PAQR5: variants seen among roughly 807,000 people sequenced by gnomAD.
PAQR5 encodes the protein progestin and adipoQ receptor family member 5, also known as membrane progestin receptor gamma.
In PAQR5, 20 loss-of-function variants were observed where a neutral mutation model predicts 34.5. The observed-to-expected ratio is 0.58, with a 90% CI of 0.41 to 0.84. The LOEUF is 0.84. Among genes scored for constraint, PAQR5 ranks in the 40% least tolerant of loss-of-function variants. PAQR5 has a pLI of 0.00. For synonymous variants in PAQR5, 131 were observed against 155.6 expected (o/e 0.84, Z 1.18); for missense variants, 378 against 412.7 (o/e 0.92, Z 0.73).
chr15:69,356,645 CT>C (rs1567018056), intron 2 of PAQR5, among the ~76,000 whole-genome samples: 1 of 152,128 alleles, frequency 6.6e-6, no homozygotes, highest in African/African-American at 2.4e-5. Flanking sequence ...ATTCCCCATT[CT>C]TTCCCCCAAG....
intron 1 of PAQR5, among the ~76,000 whole-genome samples, chr15:69,300,617 CTT>C (rs1301613389): frequency 1.9e-5 from 1 of 52,560 alleles, no homozygotes; most frequent in Non-Finnish European, 4.3e-5. Context: ...TTCTTTCTTT[CTT>C]TCTTTCTTTC....
At chr15:69,390,446 C>G (rs2056236984) in intron 6 of PAQR5, among the ~76,000 whole-genome samples, 1 of 150,758 alleles carries the variant, frequency 6.6e-6, no homozygotes. Context: ...CCTTCCTGGG[C>G]TCGTCTGCTG....
At chr15:69,336,044 A>G (rs977102241) in intron 1 of PAQR5, among the ~76,000 whole-genome samples, 22 of 152,176 alleles carry the variant, frequency 1.4e-4, no homozygotes, top group Non-Finnish European at 3.2e-4. Flanking sequence ...AAAGGAGGAG[A>G]GAGAGAAAGG....
rs2056747693 is a variant in PAQR5 at position 69,406,133 on chromosome 15, TCA to T, written c.*2313_*2314del. ...TGGGTCTTAATTTTTAAAAAGTGTC[TCA>T]CTACATTTAAGACATGTGACACATT... On this transcript the variant is annotated 3_prime_UTR_variant, in exon 9 of 9. Coordinates refer to ENST00000395407, the MANE Select transcript of PAQR5 (RefSeq NM_017705.4). 6.6e-6 allele frequency: 1 copy of T among 152,196 alleles called. No individual in the cohort carries two copies. Among genetic ancestry groups the T allele is most frequent in the Non-Finnish European group, 1.5e-5 (1 of 68,044 alleles). The allele number at this position is 152,196 out of a possible 1,614,324, so 9.4% of individuals were successfully genotyped here.
chr15:69,301,603 G>A (rs2053605954), intron 1 of PAQR5, among the ~76,000 whole-genome samples: 1 of 152,192 alleles, frequency 6.6e-6, no homozygotes, highest in South Asian at 2.1e-4. Flanking sequence ...TGTAAAATGA[G>A]AGCAACAGAC....
At position 69,384,748 on chromosome 15, in the gene PAQR5, T is replaced by C. The variant is rs766536539; in HGVS notation, c.251T>C (p.Met84Thr). The change falls in exon 5 of 9, where the codon ATG becomes ACG. Residue 84 changes from methionine (M) to threonine (T), a missense_variant. By Grantham distance (81) the Met-to-Thr change is moderately conservative. Transcript: ENST00000395407. ...AAGAATGACAGCTACTCCTGGCCCA[T>C]GCTTGTGTACATGTGCACCAGCTGC... is the stretch of plus-strand genomic sequence containing the variant. ...DIKNDSYSWP[M>T]LVYMCTSCVY... is the part of the protein sequence containing the mutation. The C allele has an allele frequency of 1.1e-5, 17 of 1,614,068 alleles. No individual in the cohort carries two copies. The highest frequency in any genetic ancestry group is 1.4e-5 in the Non-Finnish European group (17 of 1,179,934).
chr15:69,356,912 G>A (rs903303239), intron 2 of PAQR5, among the ~76,000 whole-genome samples: 5 of 152,164 alleles, frequency 3.3e-5, no homozygotes, highest in African/African-American at 9.7e-5. Context: ...ATGTTGAAAT[G>A]TAATCCCCAA....
At position 69,400,044 on chromosome 15, in the gene PAQR5, C is replaced by G; in HGVS notation, c.680C>G (p.Thr227Ser). 1 of 1,614,152 alleles carries G rather than the reference C, an allele frequency of 6.2e-7. No homozygotes were observed. Among genetic ancestry groups the G allele is most frequent in the Non-Finnish European group, 8.5e-7 (1 of 1,179,954 alleles). The change falls in exon 8 of 9, where the codon ACC (threonine) becomes AGC (serine). Residue 227 changes from threonine (T) to serine (S), a missense_variant. Physicochemically the swap from Thr to Ser is moderately conservative, Grantham distance 58. Coordinates refer to ENST00000395407, the MANE Select transcript of PAQR5 (RefSeq NM_017705.4). Reference sequence around the variant, plus strand: ...TACCACCAGAAGCACATGATCATGACCCTCCTGGCCTCTTTCTTGTACTCT... The same window carrying G: ...TACCACCAGAAGCACATGATCATGAGCCTCCTGGCCTCTTTCTTGTACTCT... Reference protein sequence around the residue: ...TSYHQKHMIMTLLASFLYSAH... With the variant: ...TSYHQKHMIMSLLASFLYSAH...
At chr15:69,364,927 G>A (rs972165986) in intron 3 of PAQR5, among the ~76,000 whole-genome samples, 5 of 151,748 alleles carry the variant, frequency 3.3e-5, no homozygotes, top group South Asian at 4.2e-4. Flanking sequence ...TAGTAGAGAT[G>A]GGGTTTCACT....
At chr15:69,364,186 G>T (rs2055320644) in intron 3 of PAQR5, among the ~76,000 whole-genome samples, 1 of 152,090 alleles carries the variant, frequency 6.6e-6, no homozygotes, top group Non-Finnish European at 1.5e-5. Context: ...TCTGGCATAG[G>T]TGTTTGGTAG....
At chr15:69,333,768 C>T (rs536080368) in intron 1 of PAQR5, among the ~76,000 whole-genome samples, 1 of 152,208 alleles carries the variant, frequency 6.6e-6, no homozygotes, top group East Asian at 1.9e-4. Context: ...CTTTCCCGGC[C>T]CTGCTCCTCC....
At chr15:69,319,166 T>C (rs1347358452) in intron 1 of PAQR5, among the ~76,000 whole-genome samples, 1 of 882 alleles carries the variant, frequency 1.1e-3, no homozygotes, top group African/African-American at 1.4e-3. Context: ...TACATATATA[T>C]ATATATATAT....
At chr15:69,362,494 A>G (rs886592762) in intron 3 of PAQR5, among the ~76,000 whole-genome samples, 3 of 152,248 alleles carry the variant, frequency 2.0e-5, no homozygotes, top group Admixed American at 1.3e-4. Flanking sequence ...AATTTACATG[A>G]ATATTTAAAA....
chr15:69,322,838 G>GAAGAAGAAGAA lies in PAQR5; in HGVS notation c.-276-14503_-276-14502insAAGAAGAAGAA, dbSNP rs1566998269. 5.7e-4 allele frequency among the ~76,000 whole-genome samples: 11 copies of GAAGAAGAAGAA among 19,420 alleles called. 1 individual carries two copies. The highest frequency in any genetic ancestry group is 1.9e-3 in the African/African-American group (10 of 5,134). The allele number at this position is 19,420 out of a possible 152,430, so 12.7% of individuals were successfully genotyped here. A position where few individuals can be genotyped will look rare whatever the true frequency, so the allele number is the denominator to read the frequency against. On this transcript the variant is annotated intron_variant, in intron 1 of 8. Transcript: ENST00000395407. ...AAGAAGAAGAAGAAGAAGAAGAAGA[G>GAAGAAGAAGAA]GAAGAAGAAGAGGAATTATTTCATC...
chr15:69,349,069 G>T (rs895899958), intron 2 of PAQR5, among the ~76,000 whole-genome samples: 1 of 152,052 alleles, frequency 6.6e-6, no homozygotes, highest in Non-Finnish European at 1.5e-5. Flanking sequence ...CACCTGGGAG[G>T]GTGTTTTCAG....
At chr15:69,333,191 GC>G (rs1440340605) in intron 1 of PAQR5, among the ~76,000 whole-genome samples, 1 of 151,962 alleles carries the variant, frequency 6.6e-6, no homozygotes, top group African/African-American at 2.4e-5. Context: ...ACTTCTGGTA[GC>G]CTGGGACTCC....
At chr15:69,401,597 A>G (rs2056628020) in intron 8 of PAQR5, among the ~76,000 whole-genome samples, 1 of 152,152 alleles carries the variant, frequency 6.6e-6, no homozygotes, top group African/African-American at 2.4e-5. Flanking sequence ...GCTACCACTC[A>G]GGTTTCTTAA....
At chr15:69,374,571 G>A (rs2055653416) in intron 3 of PAQR5, among the ~76,000 whole-genome samples, 1 of 152,150 alleles carries the variant, frequency 6.6e-6, no homozygotes, top group Admixed American at 6.5e-5. Flanking sequence ...CAGCTACTCA[G>A]GAGGCTGAGG....
intron 8 of PAQR5, 33 bp downstream of exon 8, chr15:69,400,148 T>C (rs200958601): frequency 1.8e-5 from 29 of 1,595,112 alleles, no homozygotes; most frequent in Non-Finnish European, 2.4e-5. Flanking sequence ...GCTCTGCTCA[T>C]TGCCCTCCTG....
Sources: gnomAD v4.1 joint callset for allele counts (sites outside exome capture counted in the v4.1 genomes callset) on GRCh38, gnomAD v4.1.1 for gene constraint, MANE v1.5 for transcripts, NCBI Gene and HGNC (gene_info 2026-07-23, HGNC 2026-07-21) for gene names.